SCML2: variants seen among roughly 807,000 people sequenced by gnomAD.
SCML2 encodes the protein Scm polycomb group protein like 2.
Under a neutral mutation model 48.4 loss-of-function variants are expected in SCML2, and 6 were observed. That is an observed-to-expected ratio of 0.12 (90% CI 0.07 to 0.24). The LOEUF (loss-of-function observed/expected upper bound fraction) is 0.24, where lower values mean the gene tolerates loss of function less well. SCML2 is among the 10% of genes least tolerant of loss of function. The probability of loss-of-function intolerance (pLI) is 1.00; values close to 1 mark genes in which losing one functional copy is unlikely to be tolerated. For missense variants in SCML2, 377 were observed against 528.2 expected, an observed-to-expected ratio of 0.71 and a Z score of 2.81; for synonymous variants, 181 against 189.5, an observed-to-expected ratio of 0.95 and a Z score of 0.37.
Position 18,297,405 on chromosome X carries a change from A to C in SCML2, c.730+7567T>G, listed in dbSNP as rs911766808. ...CAATTAGGCAAGAGAGATAAAAGGAATCTAAATGGAAAAAAGGAAGGCAAA... is the reference window on the plus strand; with the variant it reads ...CAATTAGGCAAGAGAGATAAAAGGACTCTAAATGGAAAAAAGGAAGGCAAA... On this transcript the variant is annotated intron_variant, in intron 7 of 14. Coordinates refer to ENST00000251900, the MANE Select transcript of SCML2 (RefSeq NM_006089.3). Among the ~76,000 whole-genome samples the C allele has an allele frequency of 2.7e-5, 3 of 112,027 alleles. No individual in the cohort carries two copies. The South Asian group carries it at 1.1e-3, about 41-fold the overall frequency.
chrX:18,267,075 T>G (rs1163640837), intron 7 of SCML2, among the ~76,000 whole-genome samples: 1 of 112,309 alleles, frequency 8.9e-6, no homozygotes, highest in Non-Finnish European at 1.9e-5. Context: ...CTGACCATCG[T>G]ACTCTTGGAT....
At chrX:18,346,122 A>G (rs898720661) in intron 1 of SCML2, among the ~76,000 whole-genome samples, 3 of 110,600 alleles carry the variant, frequency 2.7e-5, no homozygotes, top group South Asian at 7.7e-4. Flanking sequence ...TGCAATATCA[A>G]ATCAGCTGTC....
intron 7 of SCML2, among the ~76,000 whole-genome samples, chrX:18,277,158 C>A (rs1217828770): frequency 9.0e-6 from 1 of 111,706 alleles, no homozygotes; most frequent in East Asian, 2.8e-4. Context: ...GCAGCCTCGA[C>A]TTCCCAGGCT....
At chrX:18,255,524 T>C (rs1297740306) in intron 11 of SCML2, among the ~76,000 whole-genome samples, 2 of 112,270 alleles carry the variant, frequency 1.8e-5, no homozygotes, top group Admixed American at 9.5e-5. Flanking sequence ...TCAAAGGGAC[T>C]CACTGGACAG....
rs138368290 is a variant in SCML2 at position 18,341,237 on chromosome X, G to A, written c.-24-7142C>T. ...GAAAATGGCAGACAAACCAGACATAGGGGAAATCGCCAGCTTCAATAAGGC... is the reference window on the plus strand; with the variant it reads ...GAAAATGGCAGACAAACCAGACATAAGGGAAATCGCCAGCTTCAATAAGGC... On this transcript the variant is annotated intron_variant, in intron 1 of 14. Transcript: ENST00000251900. 6,247 of 682,694 alleles carry A rather than the reference G, an allele frequency of 9.2e-3. 31 individuals carry two copies. The highest frequency in any genetic ancestry group is 0.014 in the South Asian group (550 of 38,212). 56.3% of individuals were successfully genotyped at this position (682,694 alleles called of 1,213,427 possible).
At chrX:18,294,063 C>T (rs1320674136) in intron 7 of SCML2, among the ~76,000 whole-genome samples, 1 of 111,659 alleles carries the variant, frequency 9.0e-6, no homozygotes, top group Admixed American at 9.5e-5. Flanking sequence ...GAATAAAAAG[C>T]AAAGAACATG....
rs745411044 is a variant in SCML2, at chrX:18,247,843, G to T, written c.1496C>A (p.Ser499Tyr). ...AACATATGGTACAGTTTGCTGAGGA[G>T]ATCGTTTGGTGCTTTGCCTTTCTGT... is the stretch of plus-strand genomic sequence containing the variant. ...DVTERQSTKR[S>Y]PQQTVPYVVP... is the part of the protein sequence containing the mutation. Residue 499 changes from serine to tyrosine, a missense_variant, in exon 12 of 15, where the codon TCT (serine) becomes TAT (tyrosine). By Grantham distance (144) the Ser-to-Tyr change is moderately radical. Transcript: ENST00000251900. The T allele has an allele frequency of 8.3e-7, 1 of 1,210,852 alleles. No individual in the cohort carries two copies. The highest frequency in any genetic ancestry group is 3.0e-5 in the East Asian group (1 of 33,829).
chrX:18,295,745 G>A (rs143687061), intron 7 of SCML2, among the ~76,000 whole-genome samples: 1,502 of 108,131 alleles, frequency 0.014, 21 homozygotes, highest in African/African-American at 0.048. Context: ...TACTGCCATC[G>A]CTGGGGCCTG....
intron 7 of SCML2, among the ~76,000 whole-genome samples, chrX:18,282,144 T>C (rs1273210343): frequency 1.9e-5 from 2 of 107,559 alleles, no homozygotes; most frequent in African/African-American, 6.8e-5. Context: ...AAAACAAAAC[T>C]GAGACGCAAA....
At chrX:18,255,564 G>A in intron 11 of SCML2, among the ~76,000 whole-genome samples, 1 of 112,169 alleles carries the variant, frequency 8.9e-6, no homozygotes, top group South Asian at 3.8e-4. Context: ...CTGGAAAGAG[G>A]ACTCCAGTTA....
chrX:18,303,877 G>A (rs1449848492), intron 7 of SCML2, among the ~76,000 whole-genome samples: 1 of 112,073 alleles, frequency 8.9e-6, no homozygotes, highest in African/African-American at 3.2e-5. Flanking sequence ...AACAGCCATT[G>A]CAAGAATAAT....
At chrX:18,347,173 G>A (rs1295676007) in intron 1 of SCML2, among the ~76,000 whole-genome samples, 15 of 111,644 alleles carry the variant, frequency 1.3e-4, no homozygotes, top group Non-Finnish European at 9.4e-5. Flanking sequence ...AGCCGGGTGC[G>A]GTGGCTCAAG....
At chrX:18,309,319 T>A (rs1312352362) in intron 6 of SCML2, among the ~76,000 whole-genome samples, 1 of 111,066 alleles carries the variant, frequency 9.0e-6, no homozygotes, top group Non-Finnish European at 1.9e-5. Flanking sequence ...AAAATACTTA[T>A]ACACTACTGG....
chrX:18,332,851 C>T (rs1003883143), intron 2 of SCML2, among the ~76,000 whole-genome samples: 1 of 110,486 alleles, frequency 9.1e-6, no homozygotes, highest in Non-Finnish European at 1.9e-5. Flanking sequence ...TGGTGGCACA[C>T]ATCTGCAGCC....
intron 6 of SCML2, among the ~76,000 whole-genome samples, chrX:18,311,964 C>T (rs1307243936): frequency 3.6e-5 from 4 of 111,276 alleles, no homozygotes; most frequent in African/African-American, 1.3e-4. Flanking sequence ...GCTAATTTTT[C>T]AATTTGTAGT....
intron 7 of SCML2, among the ~76,000 whole-genome samples, chrX:18,304,353 G>A (rs1419690104): frequency 8.9e-5 from 10 of 111,990 alleles, no homozygotes; most frequent in Non-Finnish European, 1.5e-4. Context: ...ACATCAACAT[G>A]TTGACAGCTT....
At chrX:18,273,685 C>A (rs1416630537) in intron 7 of SCML2, among the ~76,000 whole-genome samples, 2 of 111,498 alleles carry the variant, frequency 1.8e-5, no homozygotes, top group Non-Finnish European at 3.8e-5. Flanking sequence ...TACCCTCAAG[C>A]CAAAAAGCTT....
At chrX:18,285,052 A>C (rs913580845) in intron 7 of SCML2, among the ~76,000 whole-genome samples, 10 of 110,722 alleles carry the variant, frequency 9.0e-5, no homozygotes, top group Admixed American at 3.8e-4. Flanking sequence ...AAAAAAAAAA[A>C]AAAAACAGAT....
chrX:18,321,598 G>GAAAAA (rs776249974), intron 5 of SCML2, among the ~76,000 whole-genome samples: 1 of 40,599 alleles, frequency 2.5e-5, no homozygotes, highest in Non-Finnish European at 4.5e-5. Context: ...CACAATTGTT[G>GAAAAA]AAAAAAAAAA....
Sources: allele counts gnomAD v4.1 joint callset (sites outside exome capture counted in the v4.1 genomes callset), GRCh38; gene constraint gnomAD v4.1.1; transcripts MANE v1.5; gene names NCBI Gene and HGNC (gene_info 2026-07-23, HGNC 2026-07-21).